The following EPN2 variants were observed in gnomAD, a reference collection of about 807,000 sequenced individuals.
EPN2 encodes epsin 2.
Under a neutral mutation model 61.7 loss-of-function variants are expected in EPN2, and 34 were observed. The ratio of observed to expected loss-of-function variants is 0.55; its 90% CI spans 0.42 to 0.73. The LOEUF is 0.73. Among genes scored for constraint, EPN2 ranks in the 30% least tolerant of loss-of-function variants. The pLI, the probability that EPN2 is intolerant of heterozygous loss-of-function variation, is 0.00. For synonymous variants in EPN2, 349 were observed against 353.6 expected, an observed-to-expected ratio of 0.99 and a Z score of 0.15; for missense variants, 714 against 839.2, an observed-to-expected ratio of 0.85 and a Z score of 1.84.
At chr17:19,278,335 A>G (rs929505169) in intron 1 of EPN2, among the ~76,000 whole-genome samples, 1 of 152,284 alleles carries the variant, frequency 6.6e-6, no homozygotes, top group East Asian at 1.9e-4. Context: ...GAGACTGGGA[A>G]GAAAAGGAGG....
chr17:19,237,700 A>T (rs1012941717), intron 1 of EPN2, among the ~76,000 whole-genome samples, 169 bp downstream of exon 1: 1 of 151,072 alleles, frequency 6.6e-6, no homozygotes, highest in Non-Finnish European at 1.5e-5. Context: ...GCTCTGGGGG[A>T]TCCCCTTCTT....
chr17:19,319,979 G>T (rs1274942970), intron 7 of EPN2, among the ~76,000 whole-genome samples: 1 of 152,220 alleles, frequency 6.6e-6, no homozygotes, highest in African/African-American at 2.4e-5. Context: ...TTTGCAGGGA[G>T]CCTGGGTGTG....
intron 7 of EPN2, chr17:19,313,626 A>C (rs1374653905): frequency 7.6e-6 from 2 of 262,934 alleles, no homozygotes; most frequent in Non-Finnish European, 1.4e-5. Context: ...GAACCAAAAT[A>C]CACAGCATGG....
At chr17:19,309,768 A>T in intron 4 of EPN2, 117 bp from the exon 5 acceptor site, 1 of 726,198 alleles carries the variant, frequency 1.4e-6, no homozygotes, top group Non-Finnish European at 2.5e-6. Flanking sequence ...TTGTTGGGCT[A>T]CTGCTGGACC....
intron 1 of EPN2, among the ~76,000 whole-genome samples, chr17:19,241,780 G>A (rs1318111871): frequency 6.6e-6 from 1 of 151,860 alleles, no homozygotes; most frequent in Non-Finnish European, 1.5e-5. Flanking sequence ...TTTAACATAG[G>A]GATTATCACC....
At chr17:19,278,621 C>T (rs2045332045) in intron 1 of EPN2, among the ~76,000 whole-genome samples, 1 of 152,134 alleles carries the variant, frequency 6.6e-6, no homozygotes, top group Admixed American at 6.5e-5. Flanking sequence ...TGGGTGGGGA[C>T]ACAACCAAAC....
intron 4 of EPN2, among the ~76,000 whole-genome samples, chr17:19,288,809 A>T (rs1204559092): frequency 6.6e-6 from 1 of 152,104 alleles, no homozygotes; most frequent in African/African-American, 2.4e-5. Context: ...AGCTTTTGAA[A>T]CACTTTCACT....
intron 6 of EPN2, 86 bp from the exon 7 acceptor site, chr17:19,313,019 A>G: frequency 5.0e-6 from 7 of 1,412,406 alleles, no homozygotes; most frequent in Non-Finnish European, 6.8e-6. Flanking sequence ...GAAGAGGCAC[A>G]GGTGGGTGAT....
Position 19,313,130 on chromosome 17 carries a change from C to T in EPN2, c.998C>T (p.Thr333Met), listed in dbSNP as rs747509542. The T allele has an allele frequency of 5.6e-6, 9 of 1,613,714 alleles. No homozygotes were observed. Among genetic ancestry groups the T allele is most frequent in the Admixed American group, 5.0e-5 (3 of 59,982 alleles). The part of the protein sequence containing the change: ...KEHGSLPQQT[T>M]LLDLMDALPS... ...CATGGCTCTCTCCCACAGCAGACTA[C>T]GCTGTTGGATTTAATGGATGCTCTC... The change falls in exon 7 of 11, where the codon ACG (threonine) becomes ATG (methionine). Residue 333 changes from threonine to methionine, a missense_variant. By Grantham distance (81) the Thr-to-Met change is moderately conservative (BLOSUM62 -1). Coordinates refer to ENST00000314728, the MANE Select transcript of EPN2 (RefSeq NM_014964.5).
chr17:19,301,021 A>G (rs1905481476), intron 4 of EPN2, among the ~76,000 whole-genome samples: 1 of 152,160 alleles, frequency 6.6e-6, no homozygotes, highest in Non-Finnish European at 1.5e-5. Flanking sequence ...TTCCCATTCG[A>G]GGACCACGAG....
At chr17:19,312,972 A>C (rs1257134591) in intron 6 of EPN2, 133 bp from the exon 7 acceptor site, 6 of 888,514 alleles carry the variant, frequency 6.8e-6, no homozygotes, top group Non-Finnish European at 1.0e-5. Flanking sequence ...TCAGTTTCCA[A>C]GTTCTTCTCA....
intron 1 of EPN2, among the ~76,000 whole-genome samples, chr17:19,243,242 C>G (rs1427895096): frequency 2.9e-4 from 37 of 128,532 alleles, no homozygotes; most frequent in African/African-American, 1.1e-3. Flanking sequence ...TTTTTTGAGA[C>G]AGAGTCTTGT....
At chr17:19,242,446 GTCT>G (rs2044895343) in intron 1 of EPN2, among the ~76,000 whole-genome samples, 1 of 152,108 alleles carries the variant, frequency 6.6e-6, no homozygotes, top group East Asian at 1.9e-4. Context: ...CAAAAAACCT[GTCT>G]TCTTTTGAAC....
intron 1 of EPN2, among the ~76,000 whole-genome samples, chr17:19,260,664 A>G (rs1016788944): frequency 1.3e-5 from 2 of 151,716 alleles, no homozygotes; most frequent in African/African-American, 4.8e-5. Context: ...TGAATAGGCA[A>G]TACAGTCACG....
chr17:19,281,408 C>T (rs2045357857), intron 1 of EPN2, among the ~76,000 whole-genome samples: 1 of 152,228 alleles, frequency 6.6e-6, no homozygotes, highest in Non-Finnish European at 1.5e-5. Context: ...ACATATTTCA[C>T]AATAGCAAAC....
intron 4 of EPN2, chr17:19,306,373 G>A (rs1270603988): frequency 1.3e-5 from 2 of 152,266 alleles, no homozygotes; most frequent in Non-Finnish European, 2.9e-5. Context: ...GTCCCGTTGT[G>A]TGTAGCTCAG....
At chr17:19,260,139 A>G (rs1459012682) in intron 1 of EPN2, among the ~76,000 whole-genome samples, 1 of 152,200 alleles carries the variant, frequency 6.6e-6, no homozygotes, top group Non-Finnish European at 1.5e-5. Context: ...GTAGCAGGAA[A>G]GCAGAAGCTG....
chr17:19,311,480 C>A (rs1039970880), intron 5 of EPN2, among the ~76,000 whole-genome samples: 1 of 151,726 alleles, frequency 6.6e-6, no homozygotes, highest in Admixed American at 6.6e-5. Context: ...AGAAAAAATA[C>A]AAGGAATATA....
chr17:19,277,932 G>T (rs2045324010), intron 1 of EPN2, among the ~76,000 whole-genome samples: 1 of 152,034 alleles, frequency 6.6e-6, no homozygotes, highest in African/African-American at 2.4e-5. Context: ...AATTAGCTGG[G>T]CGTGGTGGTG....
Sources: gnomAD v4.1 joint callset for allele counts (sites outside exome capture counted in the v4.1 genomes callset) on GRCh38, gnomAD v4.1.1 for gene constraint, MANE v1.5 for transcripts, NCBI Gene and HGNC (gene_info 2026-07-23, HGNC 2026-07-21) for gene names.